Variants in NWD1 observed in about 807,000 individuals in gnomAD.
NWD1 encodes NACHT domain- and WD repeat-containing protein 1.
Under a neutral mutation model 135.1 loss-of-function variants are expected in NWD1, and 129 were observed. The observed-to-expected ratio is 0.96, with a 90% CI of 0.83 to 1.11. NWD1 has a LOEUF of 1.11. Among genes scored for constraint, NWD1 ranks in the 50% least tolerant of loss-of-function variants. The probability of loss-of-function intolerance (pLI) is 0.00; values close to 1 mark genes in which losing one functional copy is unlikely to be tolerated. For synonymous variants in NWD1, 773 were observed against 786.0 expected (o/e 0.98, Z 0.28); for missense variants, 1,740 against 1,851.3 (o/e 0.94, Z 1.10).
chr19:16,805,769 A>G (rs1970728949), intron 17 of NWD1, among the ~76,000 whole-genome samples: 1 of 152,194 alleles, frequency 6.6e-6, no homozygotes, highest in Non-Finnish European at 1.5e-5. Flanking sequence ...ATGTTTGCCA[A>G]ATTAACGACT....
intron 2 of NWD1, among the ~76,000 whole-genome samples, chr19:16,729,905 A>AGAAG (rs111423166): frequency 0.053 from 7,969 of 150,908 alleles, 701 homozygotes; most frequent in African/African-American, 0.18. Flanking sequence ...AAAGAGAGAG[A>AGAAG]GAAGGAAGGA....
At chr19:16,737,964 C>CAAAAGAAAAGAAAAGAATA (rs147713373) in intron 4 of NWD1, among the ~76,000 whole-genome samples, 2 of 124,540 alleles carry the variant, frequency 1.6e-5, no homozygotes, top group African/African-American at 6.6e-5. Flanking sequence ...GACTCTATCT[C>CAAAAGAAAAGAAAAGAATA]GAAAAGAAAA....
In NWD1 at chr19:16,742,390, A is replaced by T. The variant is rs532085072; in HGVS notation, c.199-2031A>T. Among the ~76,000 whole-genome samples the T allele has an allele frequency of 1.1e-3, 167 of 152,148 alleles. 2 individuals are homozygous for T. Among genetic ancestry groups the T allele is most frequent in the African/African-American group, 3.9e-3 (161 of 41,528 alleles). ...ATTCCATCTCAAAAAAATAAAATAAATAATAAATAAATAAATATCTGTGGG... is the reference window on the plus strand; with the variant it reads ...ATTCCATCTCAAAAAAATAAAATAATTAATAAATAAATAAATATCTGTGGG... On this transcript the variant is annotated intron_variant, in intron 4 of 18. Coordinates refer to ENST00000524140, the MANE Select transcript of NWD1 (RefSeq NM_001007525.5).
At chr19:16,799,421 C>A (rs1970525233) in intron 16 of NWD1, among the ~76,000 whole-genome samples, 1 of 151,980 alleles carries the variant, frequency 6.6e-6, no homozygotes. Context: ...GTCTTGATCT[C>A]CTGACCTCAT....
In NWD1 at chr19:16,797,197, G is replaced by C. The variant is rs114363592; in HGVS notation, c.3305-535G>C. 7.9e-3 allele frequency among the ~76,000 whole-genome samples: 1,196 copies of C among 150,994 alleles called. 15 individuals are homozygous for C. Among genetic ancestry groups the C allele is most frequent in the African/African-American group, 0.028 (1,149 of 41,166 alleles). On this transcript the variant is annotated intron_variant, in intron 15 of 18. Coordinates refer to ENST00000524140, the MANE Select transcript of NWD1 (RefSeq NM_001007525.5). ...TCCATCTCAAAAAAAAAAAAAAATT[G>C]ATGAGTGATTACAGAAGTCAGGCCC...
chr19:16,748,173 A>G (rs111558341), intron 5 of NWD1, among the ~76,000 whole-genome samples: 17,440 of 151,768 alleles, frequency 0.11, 2,158 homozygotes, highest in African/African-American at 0.31. Context: ...TAGTAGTGAC[A>G]AGGTTTCACC....
At chr19:16,745,526 C>T (rs1426815357) in intron 5 of NWD1, among the ~76,000 whole-genome samples, 3 of 149,252 alleles carry the variant, frequency 2.0e-5, no homozygotes, top group South Asian at 2.1e-4. Flanking sequence ...TTCAGGAGTT[C>T]GAGACCAGCC....
intron 13 of NWD1, among the ~76,000 whole-genome samples, chr19:16,789,395 A>G (rs1340273634): frequency 6.6e-6 from 1 of 152,196 alleles, no homozygotes; most frequent in Non-Finnish European, 1.5e-5. Context: ...TCTGACCCCA[A>G]GATTTGAAAC....
At chr19:16,791,259 A>G (rs1970234802) in intron 13 of NWD1, 91 bp from the exon 14 acceptor site, 1 of 1,132,670 alleles carries the variant, frequency 8.8e-7, no homozygotes, top group South Asian at 1.4e-5. Flanking sequence ...TGCATAAAGT[A>G]TACAAGAGAA....
chr19:16,803,191 C>T (rs1454761285), intron 17 of NWD1, among the ~76,000 whole-genome samples: 1 of 152,126 alleles, frequency 6.6e-6, no homozygotes, highest in East Asian at 1.9e-4. Context: ...GGGAGACTGC[C>T]TCCATGATTC....
rs777657124 is a variant in NWD1, at chr19:16,759,361, C to T, written c.1906C>T (p.Arg636Trp). ...GCCCCTGCTGTGGGTGCGGCTTCGT[C>T]GGGATCTGGGATACTACTTGGCCCG... is the stretch of plus-strand genomic sequence containing the variant. ...FPPLLWVRLR[R>W]DLGYYLARRP... is the part of the protein sequence containing the mutation. Residue 636 changes from arginine to tryptophan, a missense_variant, in exon 7 of 19, where the codon CGG becomes TGG. Transcript: ENST00000524140. 3 of 1,612,266 alleles carry T rather than the reference C, an allele frequency of 1.9e-6. No individual in the cohort carries two copies. The highest frequency in any genetic ancestry group is 1.7e-5 in the Admixed American group (1 of 59,684).
rs754910128 is a variant in NWD1, at chr19:16,759,265, C to T, written c.1810C>T (p.Leu604=). The change falls in exon 7 of 19, where the codon CTG becomes TTG. Residue 604 remains leucine, a synonymous_variant. Transcript: ENST00000524140. Reference sequence around the variant, plus strand: ...GGCGGAGCTGAAGGATGTTTTGTCCCTGGACGACGAGGTCCTGCAGGATGT... The same window carrying T: ...GGCGGAGCTGAAGGATGTTTTGTCCTTGGACGACGAGGTCCTGCAGGATGT... ...SEAELKDVLS[L]DDEVLQDVYR... is the part of the protein sequence containing the mutation. 1.9e-6 allele frequency: 3 copies of T among 1,614,200 alleles called. No individual in the cohort carries two copies. Among genetic ancestry groups the T allele is most frequent in the East Asian group, 2.2e-5 (1 of 44,876 alleles).
intron 13 of NWD1, among the ~76,000 whole-genome samples, chr19:16,789,646 C>T (rs566040389): frequency 1.1e-4 from 16 of 151,302 alleles, no homozygotes; most frequent in Admixed American, 9.9e-4. Flanking sequence ...TAATTAAATT[C>T]CATTTTGATG....
chr19:16,741,372 T>G (rs1206977701), intron 4 of NWD1, among the ~76,000 whole-genome samples: 2 of 149,118 alleles, frequency 1.3e-5, no homozygotes, highest in African/African-American at 2.5e-5. Context: ...TTTTGTGTTT[T>G]TTTTTTTTTT....
chr19:16,759,166 A>T, intron 6 of NWD1, 59 bp from the exon 7 acceptor site: 1 of 1,428,440 alleles, frequency 7.0e-7, no homozygotes, highest in East Asian at 2.3e-5. Context: ...TGGATTCTGC[A>T]TCCTCCAAAT....
chr19:16,769,735 C>A (rs1459794548), intron 10 of NWD1, among the ~76,000 whole-genome samples: 1 of 152,206 alleles, frequency 6.6e-6, no homozygotes, highest in African/African-American at 2.4e-5. Context: ...CTCAGAGAAG[C>A]CTTGTCTGGC....
At chr19:16,796,809 G>C (rs559793729) in intron 15 of NWD1, among the ~76,000 whole-genome samples, 48 of 152,202 alleles carry the variant, frequency 3.2e-4, no homozygotes, top group Non-Finnish European at 4.7e-4. Flanking sequence ...GAGATACCAT[G>C]ATGAGCCAAA....
intron 10 of NWD1, among the ~76,000 whole-genome samples, chr19:16,766,152 A>C (rs947447753): frequency 2.6e-5 from 4 of 152,068 alleles, no homozygotes; most frequent in African/African-American, 4.8e-5. Context: ...TTATTGATGA[A>C]ATTCAAAATA....
intron 17 of NWD1, among the ~76,000 whole-genome samples, chr19:16,802,021 C>T (rs1356192245): frequency 1.3e-5 from 2 of 152,126 alleles, no homozygotes; most frequent in South Asian, 2.1e-4. Flanking sequence ...CATGGTGGCT[C>T]ACGCCTGTAG....
Sources: allele counts gnomAD v4.1 joint callset (sites outside exome capture counted in the v4.1 genomes callset), GRCh38; gene constraint gnomAD v4.1.1; transcripts MANE v1.5; gene names NCBI Gene and HGNC (gene_info 2026-07-23, HGNC 2026-07-21).